Variants in RILPL1 observed in about 807,000 individuals in gnomAD.
RILPL1 encodes the protein Rab interacting lysosomal protein like 1.
A neutral mutation model predicts 50.3 loss-of-function variants in RILPL1; 33 were observed. The ratio of observed to expected loss-of-function variants is 0.66; its 90% CI spans 0.50 to 0.88. RILPL1 has a LOEUF of 0.88. Among genes scored for constraint, RILPL1 ranks in the 40% least tolerant of loss-of-function variants. The pLI is 0.00. For synonymous variants in RILPL1, 205 were observed against 228.6 expected (o/e 0.90, Z 0.93); for missense variants, 418 against 542.5 (o/e 0.77, Z 2.28).
chr12:123,520,582 A>T (rs9697379), intron 2 of RILPL1, among the ~76,000 whole-genome samples: 1 of 151,770 alleles, frequency 6.6e-6, no homozygotes, highest in Non-Finnish European at 1.5e-5. Flanking sequence ...AAACAAACAA[A>T]CAAACAAAAA....
intron 1 of RILPL1, among the ~76,000 whole-genome samples, chr12:123,524,143 A>G (rs1426676373): frequency 6.6e-6 from 1 of 152,214 alleles, no homozygotes; most frequent in East Asian, 1.9e-4. Flanking sequence ...GGGGTCTTCA[A>G]CCACTGACTC....
In RILPL1 at chr12:123,533,466, C is replaced by T. The variant is rs1258986527; in HGVS notation, c.17G>A (p.Gly6Glu). 2.0e-6 allele frequency: 3 copies of T among 1,526,950 alleles called. No homozygotes were observed. Among genetic ancestry groups the T allele is most frequent in the South Asian group, 2.4e-5 (2 of 83,346 alleles). The allele number at this position is 1,526,950 out of a possible 1,614,324, so 94.6% of individuals were successfully genotyped here. A position where few individuals can be genotyped will look rare whatever the true frequency, so the allele number is the denominator to read the frequency against. Residue 6 changes from glycine (G) to glutamate (E), a missense_variant, in exon 1 of 7, where the codon GGG becomes GAG. Transcript: ENST00000376874. This position sits in a 1 kb window ranked among gnomAD's most constrained non-coding sequence, Gnocchi z 6.2. MEEER[G>E]SALAAESALE... ...CGCCGACTCGGCCGCCAGCGCCGAC[C>T]CCCGCTCCTCCTCCATGGCCACCCT...
intron 4 of RILPL1, among the ~76,000 whole-genome samples, chr12:123,486,805 A>ATT (rs565165986): frequency 0.025 from 3,161 of 125,378 alleles, 92 homozygotes; most frequent in African/African-American, 0.083. Flanking sequence ...ACACCCGGCA[A>ATT]TTTTTTTTTT....
At chr12:123,493,165 T>C (rs914756391) in intron 4 of RILPL1, among the ~76,000 whole-genome samples, 9 of 152,208 alleles carry the variant, frequency 5.9e-5, no homozygotes, top group Middle Eastern at 3.2e-3. Flanking sequence ...TTCCATCTAC[T>C]GAGATAGGGA....
intron 2 of RILPL1, among the ~76,000 whole-genome samples, chr12:123,502,893 T>G (rs1310198399): frequency 6.6e-6 from 1 of 152,162 alleles, no homozygotes; most frequent in Admixed American, 6.6e-5. Context: ...GGGAGATTTT[T>G]TTTTTCTTTT....
intron 6 of RILPL1, chr12:123,475,791 CG>C: frequency 7.6e-7 from 1 of 1,321,220 alleles, no homozygotes; most frequent in Non-Finnish European, 1.1e-6. Flanking sequence ...AAGATAAAAA[CG>C]GGAGGCATGA....
At chr12:123,486,140 T>C (rs901914957) in intron 4 of RILPL1, among the ~76,000 whole-genome samples, 4 of 152,212 alleles carry the variant, frequency 2.6e-5, no homozygotes, top group Non-Finnish European at 5.9e-5. Flanking sequence ...GTACATCTGC[T>C]GCTTCCCCCT....
At chr12:123,529,033 G>A (rs1026988135) in intron 1 of RILPL1, among the ~76,000 whole-genome samples, 1 of 152,072 alleles carries the variant, frequency 6.6e-6, no homozygotes, top group Non-Finnish European at 1.5e-5. Flanking sequence ...CACTTGCTCT[G>A]CTCCAGCCAC....
intron 6 of RILPL1, among the ~76,000 whole-genome samples, chr12:123,480,793 A>C (rs1881925921): frequency 6.6e-6 from 1 of 152,150 alleles, no homozygotes; most frequent in Admixed American, 6.6e-5. Flanking sequence ...ACGTGAGGCT[A>C]CCGTGGGCAC....
In RILPL1 at chr12:123,498,525, C is replaced by T. The variant is rs1883171197; in HGVS notation, c.801+19G>A. 6.2e-7 allele frequency: 1 copy of T among 1,608,982 alleles called. No individual in the cohort carries two copies. Among genetic ancestry groups the T allele is most frequent in the Non-Finnish European group, 8.5e-7 (1 of 1,176,732 alleles). On this transcript the variant is annotated intron_variant, in intron 4 of 6. Transcript: ENST00000376874. The surrounding 1 kb of genome is among the most constrained non-coding windows in gnomAD (Gnocchi z 4.3). ...GACTGACCCTCTGCTACCACCTCTGCACCCAGCTTCCTGCTCACCTCAGGC... is the reference window on the plus strand; with the variant it reads ...GACTGACCCTCTGCTACCACCTCTGTACCCAGCTTCCTGCTCACCTCAGGC...
Position 123,533,075 on chromosome 12 carries a change from A to C in RILPL1, c.309+99T>G. ...CGGGTCTCCTCTGGTCCGGTCCCTG[A>C]ACACACACACGTGCGCACCCACAGC... On this transcript the variant is annotated intron_variant, in intron 1 of 6. Coordinates refer to ENST00000376874, the MANE Select transcript of RILPL1 (RefSeq NM_178314.5). This position sits in a 1 kb window ranked among gnomAD's most constrained non-coding sequence, Gnocchi z 6.2. 1 of 1,279,738 alleles carries C rather than the reference A, an allele frequency of 7.8e-7. No homozygotes were observed. The highest frequency in any genetic ancestry group is 1.1e-6 in the Non-Finnish European group (1 of 947,680). 79.3% of individuals were successfully genotyped at this position (1,279,738 alleles called of 1,614,324 possible).
chr12:123,497,741 C>T (rs764031017), intron 4 of RILPL1, among the ~76,000 whole-genome samples: 4 of 152,016 alleles, frequency 2.6e-5, no homozygotes, highest in African/African-American at 7.2e-5. Context: ...GATAGGACCT[C>T]GCTATGTTGC....
chr12:123,481,765 C>G (rs1882019778), intron 6 of RILPL1, among the ~76,000 whole-genome samples: 1 of 151,794 alleles, frequency 6.6e-6, no homozygotes, highest in African/African-American at 2.4e-5. Context: ...CCGTATTGGT[C>G]AGGCTGGTCT....
intron 6 of RILPL1, among the ~76,000 whole-genome samples, chr12:123,478,285 A>G (rs973461462): frequency 6.6e-6 from 1 of 151,874 alleles, no homozygotes; most frequent in Non-Finnish European, 1.5e-5. Flanking sequence ...ACAGGCATGA[A>G]CCACCGCGCC....
chr12:123,498,207 TTCTCTC>T lies in RILPL1; in HGVS notation c.801+331_801+336del, dbSNP rs113125813. 3.7e-4 allele frequency among the ~76,000 whole-genome samples: 56 copies of T among 151,052 alleles called. No individual in the cohort carries two copies. The highest frequency in any genetic ancestry group is 6.7e-4 in the Non-Finnish European group (45 of 67,650). On this transcript the variant is annotated intron_variant, in intron 4 of 6. Transcript: ENST00000376874. This position sits in a 1 kb window ranked among gnomAD's most constrained non-coding sequence, Gnocchi z 4.3. ...TTGTTCTCTCTGAGCCTCTCGTTTT[TTCTCTC>T]TCTCTCTCTCTCTTTTTTTTTTAGA...
chr12:123,506,781 T>C (rs1883777450), intron 2 of RILPL1, among the ~76,000 whole-genome samples: 1 of 152,160 alleles, frequency 6.6e-6, no homozygotes, highest in South Asian at 2.1e-4. Context: ...GTAAAGTACA[T>C]ATAGTAGAAA....
intron 2 of RILPL1, among the ~76,000 whole-genome samples, chr12:123,500,278 CTTTTTTTTT>C (rs61119415): frequency 1.1e-5 from 1 of 88,266 alleles, no homozygotes; most frequent in Non-Finnish European, 2.2e-5. Context: ...GTGTCCCTTT[CTTTTTTTTT>C]TTTTTTTTTT....
chr12:123,499,895 T>C (rs148777610), intron 2 of RILPL1, among the ~76,000 whole-genome samples: 1 of 152,092 alleles, frequency 6.6e-6, no homozygotes, highest in Non-Finnish European at 1.5e-5. Flanking sequence ...CCACACCTCA[T>C]TCATTCGCTT....
At chr12:123,476,445 AAAAAAAAG>A (rs200592848) in intron 6 of RILPL1, among the ~76,000 whole-genome samples, 3,376 of 149,800 alleles carry the variant, frequency 0.023, 69 homozygotes, top group Admixed American at 0.061. Context: ...CCATCTCAAG[AAAAAAAAG>A]AAAAAAAGAA....
Sources: allele counts gnomAD v4.1 joint callset (sites outside exome capture counted in the v4.1 genomes callset), GRCh38; gene constraint gnomAD v4.1.1; non-coding constraint Gnocchi (gnomAD v3.1); transcripts MANE v1.5; gene names NCBI Gene and HGNC (gene_info 2026-07-23, HGNC 2026-07-21).